The following DNM3 variants were observed in gnomAD, a reference collection of about 807,000 sequenced individuals.
DNM3 encodes dynamin 3, also known as dynamin-3.
In DNM3, 47 loss-of-function variants were observed where a neutral mutation model predicts 101.6. The ratio of observed to expected loss-of-function variants is 0.46; its 90% CI spans 0.37 to 0.59. The LOEUF (loss-of-function observed/expected upper bound fraction) is 0.59, where lower values mean the gene tolerates loss of function less well. Ranked by LOEUF, DNM3 falls within the 20% of genes least tolerant of loss-of-function variation. The probability of loss-of-function intolerance (pLI) is 0.00; values close to 1 mark genes in which losing one functional copy is unlikely to be tolerated. For missense variants in DNM3, 849 were observed against 1,085.7 expected (o/e 0.78, Z 3.06); for synonymous variants, 385 against 387.9 (o/e 0.99, Z 0.09).
chr1:172,060,088 C>A (rs1312319838), intron 10 of DNM3, among the ~76,000 whole-genome samples: 1 of 151,280 alleles, frequency 6.6e-6, no homozygotes, highest in African/African-American at 2.4e-5. Flanking sequence ...AGTGAACTCC[C>A]ATTCACAATT....
Position 172,409,322 on chromosome 1 carries a change from C to G in DNM3, c.*1481C>G. The G allele has an allele frequency of 1.0e-6, 1 of 985,270 alleles. No individual in the cohort carries two copies. The highest frequency in any genetic ancestry group is 1.2e-6 in the Non-Finnish European group (1 of 829,822). 61.0% of individuals were successfully genotyped at this position (985,270 alleles called of 1,614,324 possible). On this transcript the variant is annotated 3_prime_UTR_variant, in exon 21 of 21. Transcript: ENST00000627582. ...AAACATGATTTGTATGTTAACTTAA[C>G]TTTAATTTCCTGTGTAGTTTACACC...
At chr1:172,372,049 A>G (rs925992737) in intron 17 of DNM3, among the ~76,000 whole-genome samples, 22 of 131,304 alleles carry the variant, frequency 1.7e-4, no homozygotes, top group African/African-American at 4.5e-4. Context: ...ATATCTCCCA[A>G]TGCTATCCCT....
intron 2 of DNM3, among the ~76,000 whole-genome samples, chr1:171,942,508 G>A (rs2041886606): frequency 6.6e-6 from 1 of 152,170 alleles, no homozygotes; most frequent in South Asian, 2.1e-4. Flanking sequence ...AATATTAGAT[G>A]TTAATTGAAA....
chr1:171,895,594 T>C (rs1189249843), intron 1 of DNM3, among the ~76,000 whole-genome samples: 1 of 152,216 alleles, frequency 6.6e-6, no homozygotes, highest in Non-Finnish European at 1.5e-5. Context: ...AGGTTGCCTG[T>C]TCACTCTGAT....
intron 17 of DNM3, among the ~76,000 whole-genome samples, chr1:172,343,151 G>A (rs2066766435): frequency 6.6e-6 from 1 of 152,130 alleles, no homozygotes. Context: ...AAGACATGCT[G>A]ATTAGACACC....
At chr1:172,059,727 A>C (rs201800078) in intron 10 of DNM3, among the ~76,000 whole-genome samples, 1 of 139,116 alleles carries the variant, frequency 7.2e-6, no homozygotes, top group Non-Finnish European at 1.5e-5. Flanking sequence ...TGACAAACCC[A>C]CAGCCAATAT....
At chr1:172,204,385 T>A (rs1173525046) in intron 14 of DNM3, among the ~76,000 whole-genome samples, 1 of 152,122 alleles carries the variant, frequency 6.6e-6, no homozygotes, top group African/African-American at 2.4e-5. Context: ...TGTGGAGACC[T>A]AACAGCAATT....
rs141517853 is a variant in DNM3 at position 171,930,660 on chromosome 1, C to T, written c.235+8839C>T. On this transcript the variant is annotated intron_variant, in intron 2 of 20. Transcript: ENST00000627582. ...GCTTCCCTGGGTGGGGGATGTTCCTCTGGCTCTGTGTTGATCCCAGGTGGG... is the reference window on the plus strand; with the variant it reads ...GCTTCCCTGGGTGGGGGATGTTCCTTTGGCTCTGTGTTGATCCCAGGTGGG... Among the ~76,000 whole-genome samples, 282 of 152,290 alleles carry T rather than the reference C, an allele frequency of 1.9e-3. No individual in the cohort carries two copies. The Middle Eastern group carries it at 0.031, about 17-fold the overall frequency.
At chr1:172,318,488 C>T (rs566466539) in intron 16 of DNM3, among the ~76,000 whole-genome samples, 77 of 152,296 alleles carry the variant, frequency 5.1e-4, no homozygotes, top group South Asian at 2.5e-3. Context: ...CTAGAAAACC[C>T]CATTGTCTCA....
intron 2 of DNM3, among the ~76,000 whole-genome samples, chr1:171,942,279 T>A (rs1487490503): frequency 6.6e-6 from 1 of 150,702 alleles, no homozygotes; most frequent in East Asian, 1.9e-4. Flanking sequence ...CCTCAGTTAC[T>A]GCTCTCTGAG....
intron 20 of DNM3, among the ~76,000 whole-genome samples, chr1:172,407,046 G>A (rs1234360510): frequency 6.6e-6 from 1 of 151,964 alleles, no homozygotes; most frequent in African/African-American, 2.4e-5. Flanking sequence ...ACTTGGTAAT[G>A]TTGAGACTCT....
chr1:172,108,727 C>T (rs913780845), intron 13 of DNM3, among the ~76,000 whole-genome samples: 1 of 152,182 alleles, frequency 6.6e-6, no homozygotes, highest in Non-Finnish European at 1.5e-5. Flanking sequence ...GAAATGAGTG[C>T]CCTGGTTTTA....
chr1:172,133,842 CAT>C (rs1475465533), intron 14 of DNM3, among the ~76,000 whole-genome samples: 1 of 152,020 alleles, frequency 6.6e-6, no homozygotes, highest in African/African-American at 2.4e-5. Context: ...GTGGCTGTAA[CAT>C]AGGAACAGTG....
chr1:172,266,038 C>T (rs2062845543), intron 15 of DNM3, among the ~76,000 whole-genome samples: 3 of 152,288 alleles, frequency 2.0e-5, no homozygotes, highest in African/African-American at 7.2e-5. Flanking sequence ...CCACTTAGTT[C>T]CCAGCATATT....
intron 15 of DNM3, among the ~76,000 whole-genome samples, chr1:172,270,182 C>T (rs942613566): frequency 6.6e-6 from 1 of 150,382 alleles, no homozygotes; most frequent in African/African-American, 2.4e-5. Flanking sequence ...TAAGTGTTTT[C>T]TATTATTAGC....
At chr1:172,241,329 A>G (rs780586210) in intron 14 of DNM3, among the ~76,000 whole-genome samples, 4 of 151,926 alleles carry the variant, frequency 2.6e-5, no homozygotes, top group Non-Finnish European at 2.9e-5. Context: ...TCAAAACTGC[A>G]TAAACGTATG....
chr1:172,210,500 G>T (rs1398431993), intron 14 of DNM3, among the ~76,000 whole-genome samples: 5 of 151,910 alleles, frequency 3.3e-5, no homozygotes, highest in African/African-American at 1.2e-4. Context: ...GAGCTGTATG[G>T]ATTGGGGATC....
chr1:171,868,550 A>G (rs1261140489), intron 1 of DNM3, among the ~76,000 whole-genome samples: 1 of 152,196 alleles, frequency 6.6e-6, no homozygotes, highest in East Asian at 1.9e-4. Flanking sequence ...ATTTAATGGC[A>G]TCTTCACAGC....
chr1:172,291,456 A>G (rs1346814520), intron 15 of DNM3, among the ~76,000 whole-genome samples: 1 of 152,228 alleles, frequency 6.6e-6, no homozygotes, highest in South Asian at 2.1e-4. Flanking sequence ...TTGGCCTTCC[A>G]TTATACAAGA....
Sources: gnomAD v4.1 joint callset for allele counts (sites outside exome capture counted in the v4.1 genomes callset) on GRCh38, gnomAD v4.1.1 for gene constraint, MANE v1.5 for transcripts, NCBI Gene and HGNC (gene_info 2026-07-23, HGNC 2026-07-21) for gene names.